SHISA9: variants seen among roughly 807,000 people sequenced by gnomAD.
The protein encoded by SHISA9 is protein shisa-9.
In SHISA9, 13 loss-of-function variants were observed where a neutral mutation model predicts 38.0. That is an observed-to-expected ratio of 0.34 (90% CI 0.22 to 0.54). SHISA9 has a LOEUF of 0.54. Among genes scored for constraint, SHISA9 ranks in the 20% least tolerant of loss-of-function variants. The pLI, the probability that SHISA9 is intolerant of heterozygous loss-of-function variation, is 0.91. For synonymous variants in SHISA9, 275 were observed against 242.0 expected, an observed-to-expected ratio of 1.14 and a Z score of -1.27; for missense variants, 538 against 575.8, an observed-to-expected ratio of 0.93 and a Z score of 0.67.
At chr16:13,401,438 G>C in the SHISA9 span, among the ~76,000 whole-genome samples, 1 of 152,184 alleles carries the variant, frequency 6.6e-6, no homozygotes, top group Admixed American at 6.5e-5. Context: ...GAAAGACCCT[G>C]CTATGGGCTA....
At chr16:13,196,190 G>A (rs1445530334) in intron 2 of SHISA9, among the ~76,000 whole-genome samples, 1 of 149,206 alleles carries the variant, frequency 6.7e-6, no homozygotes, top group Non-Finnish European at 1.5e-5. Context: ...GAGGTCAGGA[G>A]ATTGAGACCA....
chr16:13,242,519 GAC>G (rs2051442799), downstream of SHISA9, among the ~76,000 whole-genome samples: 1 of 152,186 alleles, frequency 6.6e-6, no homozygotes, highest in South Asian at 2.1e-4. Flanking sequence ...TGCTTCTAGA[GAC>G]AGGAACTCTC....
chr16:13,084,655 C>T (rs1004093358), intron 2 of SHISA9, among the ~76,000 whole-genome samples: 11 of 152,174 alleles, frequency 7.2e-5, no homozygotes, highest in African/African-American at 1.4e-4. Flanking sequence ...AATGATGGTA[C>T]GTGCTATGAA....
chr16:12,906,541 C>A (rs1334961129), intron 1 of SHISA9, among the ~76,000 whole-genome samples: 2 of 152,142 alleles, frequency 1.3e-5, no homozygotes, highest in African/African-American at 4.8e-5. Flanking sequence ...CAGTCAGTCA[C>A]TATTTATTAG....
the SHISA9 span, among the ~76,000 whole-genome samples, chr16:13,560,312 A>C: frequency 6.6e-6 from 1 of 152,240 alleles, no homozygotes. Context: ...GGCTTAAGTC[A>C]TGTGGTCACC....
At chr16:13,321,906 T>C in the SHISA9 span, among the ~76,000 whole-genome samples, 6 of 152,350 alleles carry the variant, frequency 3.9e-5, no homozygotes, top group African/African-American at 1.4e-4. Context: ...GAATTATGTC[T>C]TATGGATTTG....
chr16:13,459,890 C>G, the SHISA9 span, among the ~76,000 whole-genome samples: 1 of 152,108 alleles, frequency 6.6e-6, no homozygotes, highest in Admixed American at 6.5e-5. Context: ...TTTTTATAGT[C>G]AGCATCAAGC....
chr16:13,139,180 T>G (rs2050375815), intron 2 of SHISA9, among the ~76,000 whole-genome samples: 1 of 152,164 alleles, frequency 6.6e-6, no homozygotes, highest in Admixed American at 6.5e-5. Context: ...TTCTCTTCCT[T>G]AACTTTATTC....
At chr16:13,490,528 G>A in the SHISA9 span, among the ~76,000 whole-genome samples, 1 of 152,212 alleles carries the variant, frequency 6.6e-6, no homozygotes, top group Admixed American at 6.5e-5. Context: ...TTGTGCCACT[G>A]CACCCCAGCC....
At chr16:13,421,071 C>A in the SHISA9 span, among the ~76,000 whole-genome samples, 2 of 152,152 alleles carry the variant, frequency 1.3e-5, no homozygotes, top group Admixed American at 6.5e-5. Flanking sequence ...ACCCAGGGAG[C>A]ATTTGAAGTG....
intron 2 of SHISA9, among the ~76,000 whole-genome samples, chr16:13,164,661 G>A (rs1324988248): frequency 6.6e-6 from 1 of 152,012 alleles, no homozygotes; most frequent in African/African-American, 2.4e-5. Flanking sequence ...TGCTATAACT[G>A]CATCTCACAC....
intron 3 of SHISA9, among the ~76,000 whole-genome samples, chr16:13,206,494 T>A (rs953179331): frequency 4.6e-5 from 7 of 152,234 alleles, no homozygotes; most frequent in Admixed American, 1.3e-4. Context: ...TCAACACACA[T>A]CAGATTCACA....
At chr16:13,019,764 TTTTCTTTCTTTCTTTCTTTCTTTCTTTC>T (rs548980425) in intron 2 of SHISA9, among the ~76,000 whole-genome samples, 42 of 77,958 alleles carry the variant, frequency 5.4e-4, no homozygotes, top group Middle Eastern at 0.015. Context: ...CTTTTCTTTC[TTTTCTTTCTTTCTTTCTTTCTTTCTTTC>T]TTTCTTTCTT....
chr16:12,995,196 A>G (rs1410049832), intron 2 of SHISA9, among the ~76,000 whole-genome samples: 1 of 152,200 alleles, frequency 6.6e-6, no homozygotes, highest in Non-Finnish European at 1.5e-5. Context: ...TGGGGAATCC[A>G]TCCCCGCAAG....
intron 2 of SHISA9, among the ~76,000 whole-genome samples, chr16:13,049,556 T>A (rs1227014149): frequency 6.6e-6 from 1 of 152,026 alleles, no homozygotes; most frequent in Non-Finnish European, 1.5e-5. Flanking sequence ...GGTGATGGAG[T>A]AGGGGATACT....
chr16:13,210,482 A>T (rs572428770), intron 3 of SHISA9, among the ~76,000 whole-genome samples: 1 of 152,236 alleles, frequency 6.6e-6, no homozygotes, highest in Non-Finnish European at 1.5e-5. Context: ...TATTTGACAG[A>T]TGATTGACAT....
the SHISA9 span, among the ~76,000 whole-genome samples, chr16:13,330,215 T>G: frequency 5.3e-5 from 8 of 152,374 alleles, no homozygotes; most frequent in African/African-American, 7.2e-5. Context: ...CACCCGACTA[T>G]GTGCATGCTG....
the SHISA9 span, among the ~76,000 whole-genome samples, chr16:13,384,293 G>A: frequency 6.6e-6 from 1 of 152,142 alleles, no homozygotes; most frequent in African/African-American, 2.4e-5. Flanking sequence ...CATTCCCCAT[G>A]GTCAGGTTGG....
At chr16:13,229,982 A>G (rs981810819) in intron 4 of SHISA9, among the ~76,000 whole-genome samples, 1 of 152,186 alleles carries the variant, frequency 6.6e-6, no homozygotes, top group Non-Finnish European at 1.5e-5. Flanking sequence ...AGCACTTACC[A>G]TAGTTATACA....
Sources: gnomAD v4.1 joint callset for allele counts (sites outside exome capture counted in the v4.1 genomes callset) on GRCh38, gnomAD v4.1.1 for gene constraint, MANE v1.5 for transcripts, NCBI Gene and HGNC (gene_info 2026-07-23, HGNC 2026-07-21) for gene names.